The following PRUNE2 variants were observed in gnomAD, a reference collection of about 807,000 sequenced individuals.
PRUNE2 encodes prune homolog 2 with BCH domain, also known as protein prune homolog 2.
A neutral mutation model predicts 252.0 loss-of-function variants in PRUNE2; 164 were observed. That is an observed-to-expected ratio of 0.65 (90% CI 0.57 to 0.74). The LOEUF (loss-of-function observed/expected upper bound fraction) is 0.74. Among genes scored for constraint, PRUNE2 ranks in the 30% least tolerant of loss-of-function variants. PRUNE2 has a pLI of 0.00. For missense variants in PRUNE2, 3,495 were observed against 3,711.0 expected (o/e 0.94, Z 1.51); for synonymous variants, 1,292 against 1,350.2 (o/e 0.96, Z 0.94).
At chr9:76,767,189 C>T (rs369321928) in intron 6 of PRUNE2, among the ~76,000 whole-genome samples, 37 of 152,136 alleles carry the variant, frequency 2.4e-4, no homozygotes, top group African/African-American at 4.3e-4. Context: ...CTGTGGGTCA[C>T]GCCTGTAATC....
intron 6 of PRUNE2, among the ~76,000 whole-genome samples, chr9:76,791,025 T>C (rs1366480676): frequency 6.6e-6 from 1 of 152,170 alleles, no homozygotes; most frequent in African/African-American, 2.4e-5. Context: ...AAATCTAAAA[T>C]AGTCAAACTC....
chr9:76,829,846 A>G (rs967832603), intron 4 of PRUNE2, among the ~76,000 whole-genome samples: 1 of 152,030 alleles, frequency 6.6e-6, no homozygotes, highest in Admixed American at 6.5e-5. Context: ...CTTTAGTCTC[A>G]TCATCTCCAC....
chr9:76,900,710 C>T lies in PRUNE2; in HGVS notation c.36+5218G>A, dbSNP rs1425256324. 2.6e-5 allele frequency among the ~76,000 whole-genome samples: 4 copies of T among 152,202 alleles called. No individual in the cohort carries two copies. In the South Asian group the frequency reaches 8.3e-4, roughly 32 times the overall value. ...CAGTAACTAACGTTGCATCCCCTCTCTCTGGTCCCCTGATATTGTTTCCTC... is the reference window on the plus strand; with the variant it reads ...CAGTAACTAACGTTGCATCCCCTCTTTCTGGTCCCCTGATATTGTTTCCTC... On this transcript the variant is annotated intron_variant, in intron 1 of 18. Transcript: ENST00000376718.
intron 9 of PRUNE2, among the ~76,000 whole-genome samples, chr9:76,666,916 C>T (rs1387897556): frequency 2.6e-5 from 4 of 152,066 alleles, no homozygotes; most frequent in Admixed American, 6.5e-5. Context: ...TGTGGTGGTG[C>T]ATGCCTGTAA....
chr9:76,703,857 GC>G lies in PRUNE2; in HGVS notation c.7755del (p.Leu2586CysfsTer6). ...AAGCTTGCTAACTGAGTTCCCTGCA[GC>G]CCTGTTTCTTTGGAACCTACATACA... ...LELYVGSKET[G>X]LQGTQLASFP... On this transcript the variant is annotated frameshift_variant, in exon 9 of 19. Coordinates refer to ENST00000376718, the MANE Select transcript of PRUNE2 (RefSeq NM_015225.3). LOFTEE classifies it high-confidence loss of function. 1 of 1,613,934 alleles carries G rather than the reference GC, an allele frequency of 6.2e-7. No individual in the cohort carries two copies. Among genetic ancestry groups the G allele is most frequent in the Non-Finnish European group, 8.5e-7 (1 of 1,179,878 alleles).
intron 3 of PRUNE2, among the ~76,000 whole-genome samples, chr9:76,847,197 C>T (rs2059713861): frequency 6.6e-6 from 1 of 151,834 alleles, no homozygotes; most frequent in South Asian, 2.1e-4. Context: ...GTGGTGGCAG[C>T]TGCCTGTAAT....
intron 6 of PRUNE2, among the ~76,000 whole-genome samples, chr9:76,768,573 ATG>A (rs1281648480): frequency 4.2e-5 from 5 of 118,810 alleles, no homozygotes; most frequent in African/African-American, 1.2e-4. Flanking sequence ...TGATATATAT[ATG>A]TATATGTATG....
chr9:76,649,605 AGATAGAT>A (rs948069262), intron 11 of PRUNE2, among the ~76,000 whole-genome samples: 1 of 95,176 alleles, frequency 1.1e-5, no homozygotes, highest in Non-Finnish European at 2.2e-5. Flanking sequence ...ATAGATAGAT[AGATAGAT>A]GATAGATAGA....
intron 9 of PRUNE2, among the ~76,000 whole-genome samples, chr9:76,667,985 G>A (rs527278880): frequency 1.3e-5 from 2 of 152,216 alleles, no homozygotes; most frequent in African/African-American, 4.8e-5. Context: ...GACAACCGCT[G>A]TCCTAGAGTC....
intron 9 of PRUNE2, chr9:76,692,259 T>C (rs931098528): frequency 1.5e-6 from 1 of 686,304 alleles, no homozygotes; most frequent in Non-Finnish European, 2.7e-6. Flanking sequence ...ATGCAGCCGC[T>C]GTGGCTAGGG....
intron 6 of PRUNE2, among the ~76,000 whole-genome samples, chr9:76,714,911 T>C (rs1301203116): frequency 6.6e-6 from 1 of 152,236 alleles, no homozygotes; most frequent in Non-Finnish European, 1.5e-5. Context: ...AGTCCACATA[T>C]ATATCTATCC....
At chr9:76,664,474 T>C (rs1445207060) in intron 9 of PRUNE2, among the ~76,000 whole-genome samples, 1 of 152,194 alleles carries the variant, frequency 6.6e-6, no homozygotes, top group Non-Finnish European at 1.5e-5. Flanking sequence ...CACTGGGAAA[T>C]AATCAATGTT....
At position 76,705,743 on chromosome 9, in the gene PRUNE2, T is replaced by A; in HGVS notation, c.6531A>T (p.Ile2177=). Residue 2177 remains isoleucine (I), a synonymous_variant, in exon 8 of 19, where the codon ATA becomes ATT. Transcript: ENST00000376718. ...VLPPIGYQAD[I]KGSSQPASHK... ...GAGAGGCGGGCTGAGAGGAGCCCTTTATGTCTGCTTGATAGCCAATTGGAG... is the reference window on the plus strand; with the variant it reads ...GAGAGGCGGGCTGAGAGGAGCCCTTAATGTCTGCTTGATAGCCAATTGGAG... 5 of 1,614,032 alleles carry A rather than the reference T, an allele frequency of 3.1e-6. No homozygotes were observed. In the East Asian group the frequency reaches 1.1e-4, roughly 36 times the overall value.
intron 6 of PRUNE2, among the ~76,000 whole-genome samples, chr9:76,752,703 T>G (rs1355601407): frequency 6.6e-6 from 1 of 152,130 alleles, no homozygotes; most frequent in Non-Finnish European, 1.5e-5. Flanking sequence ...AAAATAATCA[T>G]TTTGGACAGG....
chr9:76,776,887 AACACAT>A (rs1301039044), intron 6 of PRUNE2, among the ~76,000 whole-genome samples: 1,250 of 96,534 alleles, frequency 0.013, 30 homozygotes, highest in African/African-American at 0.041. Context: ...TCATTACCAA[AACACAT>A]ACACACACAC....
intron 1 of PRUNE2, among the ~76,000 whole-genome samples, chr9:76,869,386 T>C (rs775846362): frequency 8.5e-5 from 13 of 152,188 alleles, no homozygotes; most frequent in Non-Finnish European, 1.5e-4. Context: ...AATGATGCCA[T>C]TATTTATTAC....
intron 1 of PRUNE2, among the ~76,000 whole-genome samples, chr9:76,889,939 C>T (rs1043782758): frequency 2.6e-5 from 4 of 152,210 alleles, no homozygotes; most frequent in Admixed American, 6.5e-5. Flanking sequence ...CCAAAGTGTA[C>T]TGAATCAGAG....
At chr9:76,731,185 G>T (rs1428540118) in intron 6 of PRUNE2, among the ~76,000 whole-genome samples, 1 of 151,722 alleles carries the variant, frequency 6.6e-6, no homozygotes, top group Non-Finnish European at 1.5e-5. Context: ...TATACTTGCT[G>T]CTGTGGAAAT....
chr9:76,656,863 C>G lies in PRUNE2; in HGVS notation c.8277-1361G>C, dbSNP rs144569886. Among the ~76,000 whole-genome samples the G allele has an allele frequency of 5.4e-3, 823 of 152,292 alleles. 5 individuals are homozygous for G. Among genetic ancestry groups the G allele is most frequent in the Middle Eastern group, 0.01 (3 of 294 alleles). Reference sequence around the variant, plus strand: ...CCACATTCTTCCTGTGGCTTTGACCCTGTGTGTTCTCTAAAACTAGACCTG... The same window carrying G: ...CCACATTCTTCCTGTGGCTTTGACCGTGTGTGTTCTCTAAAACTAGACCTG... On this transcript the variant is annotated intron_variant, in intron 9 of 18. Transcript: ENST00000376718.
Sources: allele counts gnomAD v4.1 joint callset (sites outside exome capture counted in the v4.1 genomes callset), GRCh38; gene constraint gnomAD v4.1.1; transcripts MANE v1.5; gene names NCBI Gene and HGNC (gene_info 2026-07-23, HGNC 2026-07-21).